SGMS1: variants seen among roughly 807,000 people sequenced by gnomAD.
SGMS1 encodes the protein sphingomyelin synthase 1.
In SGMS1, 13 loss-of-function variants were observed where a neutral mutation model predicts 46.2. The observed-to-expected ratio is 0.28, with a 90% CI of 0.18 to 0.45. The LOEUF (loss-of-function observed/expected upper bound fraction) is 0.45, where lower values mean the gene tolerates loss of function less well. Ranked by LOEUF, SGMS1 falls within the 20% of genes least tolerant of loss-of-function variation. The pLI, the probability that SGMS1 is intolerant of heterozygous loss-of-function variation, is 1.00. For synonymous variants in SGMS1, 203 were observed against 187.8 expected, an observed-to-expected ratio of 1.08 and a Z score of -0.66; for missense variants, 324 against 519.9, an observed-to-expected ratio of 0.62 and a Z score of 3.66.
intron 2 of SGMS1, among the ~76,000 whole-genome samples, chr10:50,568,033 T>A (rs897144951): frequency 6.6e-6 from 1 of 152,130 alleles, no homozygotes; most frequent in African/African-American, 2.4e-5. Context: ...TTTGTCTAGT[T>A]CTCTAGAAAA....
chr10:50,316,315 A>G (rs1042957649), intron 8 of SGMS1, among the ~76,000 whole-genome samples: 1 of 152,262 alleles, frequency 6.6e-6, no homozygotes, highest in Admixed American at 6.5e-5. Flanking sequence ...TAAAATAAGC[A>G]TTGACAATCG....
Position 50,623,921 on chromosome 10 carries a change from A to T in SGMS1, c.-898T>A. 1 of 986,756 alleles carries T rather than the reference A, an allele frequency of 1.0e-6. No homozygotes were observed. The highest frequency in any genetic ancestry group is 1.2e-6 in the Non-Finnish European group (1 of 831,060). The allele number at this position is 986,756 out of a possible 1,614,324, so 61.1% of individuals were successfully genotyped here. ...CCGCAGCCGCTGCCCCGCTGGTGCG[A>T]ACGCTTTCGACTTGCCACCGCGAGC... is the stretch of plus-strand genomic sequence containing the variant. On this transcript the variant is annotated 5_prime_UTR_variant, in exon 1 of 11. Transcript: ENST00000361781.
chr10:50,403,987 T>C (rs540352941), intron 6 of SGMS1, among the ~76,000 whole-genome samples: 1 of 152,072 alleles, frequency 6.6e-6, no homozygotes, highest in African/African-American at 2.4e-5. Flanking sequence ...AATCAAAAGA[T>C]AGACGGTAAC....
intron 2 of SGMS1, among the ~76,000 whole-genome samples, chr10:50,556,952 T>C (rs1364528360): frequency 2.0e-5 from 3 of 152,184 alleles, no homozygotes; most frequent in African/African-American, 7.2e-5. Flanking sequence ...TCAGTCTTCC[T>C]TGTAGCTGTT....
chr10:50,621,325 G>A (rs139568276), intron 1 of SGMS1, among the ~76,000 whole-genome samples: 1 of 152,266 alleles, frequency 6.6e-6, no homozygotes, highest in Non-Finnish European at 1.5e-5. Context: ...AATTTAACCA[G>A]AAAAGTAAAA....
At chr10:50,574,979 A>ATATATATATATATG (rs1838370202) in intron 2 of SGMS1, among the ~76,000 whole-genome samples, 1 of 115,066 alleles carries the variant, frequency 8.7e-6, no homozygotes, top group South Asian at 2.5e-4. Flanking sequence ...ATATATATAT[A>ATATATATATATATG]TATATAAAAC....
chr10:50,387,436 G>A (rs1336881689), intron 6 of SGMS1, among the ~76,000 whole-genome samples: 1 of 152,134 alleles, frequency 6.6e-6, no homozygotes, highest in African/African-American at 2.4e-5. Flanking sequence ...ATTACCTTAC[G>A]CTATCTCTTT....
chr10:50,437,314 A>G (rs1440171895), intron 5 of SGMS1, among the ~76,000 whole-genome samples: 1 of 152,242 alleles, frequency 6.6e-6, no homozygotes, highest in Non-Finnish European at 1.5e-5. Flanking sequence ...ACATCTGTGC[A>G]TGTAACTTGG....
rs955551584 is a variant in SGMS1 at position 50,344,357 on chromosome 10, A to G, written c.-231-12T>C. On this transcript the variant is annotated splice_polypyrimidine_tract_variant and intron_variant, in intron 6 of 10. Transcript: ENST00000361781. Reference sequence around the variant, plus strand: ...CAGGATTCTTCCTTCTGTGAAAGCAAGAGAAAATATCAAGATGCTGTACTT... The same window carrying G: ...CAGGATTCTTCCTTCTGTGAAAGCAGGAGAAAATATCAAGATGCTGTACTT... 4 of 463,570 alleles carry G rather than the reference A, an allele frequency of 8.6e-6. No homozygotes were observed. The highest frequency in any genetic ancestry group is 1.5e-5 in the Non-Finnish European group (4 of 264,994). The allele number at this position is 463,570 out of a possible 1,614,324, so 28.7% of individuals were successfully genotyped here. A position where few individuals can be genotyped will look rare whatever the true frequency, so the allele number is the denominator to read the frequency against.
At chr10:50,605,564 G>A (rs897102668) in intron 1 of SGMS1, among the ~76,000 whole-genome samples, 2 of 152,148 alleles carry the variant, frequency 1.3e-5, no homozygotes, top group African/African-American at 2.4e-5. Flanking sequence ...CAAGTTTGCT[G>A]GTGAGACTGC....
intron 2 of SGMS1, among the ~76,000 whole-genome samples, chr10:50,526,258 C>T (rs535125036): frequency 6.6e-6 from 1 of 152,256 alleles, no homozygotes; most frequent in African/African-American, 2.4e-5. Flanking sequence ...CAAGCACCTT[C>T]TTCTAATGGC....
chr10:50,480,961 C>G lies in SGMS1; in HGVS notation c.-497-14029G>C, dbSNP rs74637851. On this transcript the variant is annotated intron_variant, in intron 3 of 10. Coordinates refer to ENST00000361781, the MANE Select transcript of SGMS1 (RefSeq NM_147156.4). ...TCCCTTCTTACTGGGCAGGGCATCC[C>G]TGTGGGAATTTCAGCAACCCCAGCC... 8.6e-3 allele frequency among the ~76,000 whole-genome samples: 1,306 copies of G among 151,860 alleles called. 17 individuals are homozygous for G. The highest frequency in any genetic ancestry group is 0.03 in the African/African-American group (1,244 of 41,444).
intron 3 of SGMS1, among the ~76,000 whole-genome samples, chr10:50,509,099 A>T (rs1837732246): frequency 6.6e-6 from 1 of 152,226 alleles, no homozygotes; most frequent in South Asian, 2.1e-4. Context: ...TAAATAAACA[A>T]GAAATTTCCT....
chr10:50,577,737 GCA>G (rs1458185478), intron 2 of SGMS1, among the ~76,000 whole-genome samples: 1 of 152,184 alleles, frequency 6.6e-6, no homozygotes, highest in East Asian at 1.9e-4. Context: ...TCTCTGTTTT[GCA>G]CACAGCCCTG....
chr10:50,408,864 G>A (rs1849059789), intron 6 of SGMS1, among the ~76,000 whole-genome samples: 1 of 152,074 alleles, frequency 6.6e-6, no homozygotes, highest in African/African-American at 2.4e-5. Flanking sequence ...GACAGAGCGA[G>A]ACTCTATCTC....
At chr10:50,537,301 C>T (rs548045957) in intron 2 of SGMS1, among the ~76,000 whole-genome samples, 1 of 152,158 alleles carries the variant, frequency 6.6e-6, no homozygotes, top group African/African-American at 2.4e-5. Flanking sequence ...CTCCAAATCT[C>T]AAACCCTCCT....
At chr10:50,410,438 A>G (rs913031874) in intron 6 of SGMS1, among the ~76,000 whole-genome samples, 1 of 152,224 alleles carries the variant, frequency 6.6e-6, no homozygotes, top group Non-Finnish European at 1.5e-5. Context: ...ACTTGTGGTG[A>G]CATTAAAGTA....
At chr10:50,388,471 TAAA>T (rs56992240) in intron 6 of SGMS1, among the ~76,000 whole-genome samples, 23 of 85,108 alleles carry the variant, frequency 2.7e-4, no homozygotes, top group African/African-American at 6.8e-4. Flanking sequence ...CTGTCTCTAC[TAAA>T]AAAAAAAAAA....
chr10:50,404,444 T>C (rs1032883918), intron 6 of SGMS1, among the ~76,000 whole-genome samples: 10 of 152,056 alleles, frequency 6.6e-5, no homozygotes, highest in East Asian at 1.9e-4. Flanking sequence ...CCCATCTCTA[T>C]AGAAAATACA....
Sources: gnomAD v4.1 joint callset for allele counts (sites outside exome capture counted in the v4.1 genomes callset) on GRCh38, gnomAD v4.1.1 for gene constraint, MANE v1.5 for transcripts, NCBI Gene and HGNC (gene_info 2026-07-23, HGNC 2026-07-21) for gene names.